Variants in GRM5 observed in about 807,000 individuals in gnomAD.
GRM5 encodes the protein metabotropic glutamate receptor 5.
Under a neutral mutation model 83.1 loss-of-function variants are expected in GRM5, and 19 were observed. That is an observed-to-expected ratio of 0.23 (90% confidence interval 0.16 to 0.34). The LOEUF is 0.34. Among genes scored for constraint, GRM5 ranks in the 10% least tolerant of loss-of-function variants. The pLI is 1.00. For missense variants in GRM5, 1,160 were observed against 1,588.3 expected, an observed-to-expected ratio of 0.73 and a Z score of 4.58; for synonymous variants, 675 against 633.6, an observed-to-expected ratio of 1.07 and a Z score of -0.98.
At chr11:89,009,900 CAAAAAAAAAA>C (rs758398638) in intron 2 of GRM5, among the ~76,000 whole-genome samples, 1 of 21,688 alleles carries the variant, frequency 4.6e-5, no homozygotes, top group East Asian at 1.4e-3. Context: ...GACTCCGTCT[CAAAAAAAAAA>C]AAAAAAAAAA....
At chr11:88,586,679 T>G (rs1224976167) in intron 7 of GRM5, among the ~76,000 whole-genome samples, 7 of 152,194 alleles carry the variant, frequency 4.6e-5, no homozygotes, top group Non-Finnish European at 7.3e-5. Flanking sequence ...TCAGAGTCAC[T>G]GAGGTGGGCT....
At chr11:88,929,898 G>C (rs656829) in intron 2 of GRM5, among the ~76,000 whole-genome samples, 74,340 of 151,866 alleles carry the variant, frequency 0.49, 19,844 homozygotes, top group South Asian at 0.66. Flanking sequence ...GCACACCAAG[G>C]ATTCTAGTTT....
At chr11:88,757,146 C>T (rs1408339968) in intron 3 of GRM5, among the ~76,000 whole-genome samples, 1 of 151,964 alleles carries the variant, frequency 6.6e-6, no homozygotes, top group Admixed American at 6.6e-5. Flanking sequence ...ACATTCAAAG[C>T]AGTCAAAGGA....
chr11:88,621,322 C>G (rs1177635899), intron 4 of GRM5, among the ~76,000 whole-genome samples: 1 of 152,128 alleles, frequency 6.6e-6, no homozygotes, highest in Non-Finnish European at 1.5e-5. Flanking sequence ...GAAGATGTGG[C>G]TTTCTCATTT....
chr11:88,583,518 C>T (rs944287103), intron 7 of GRM5, among the ~76,000 whole-genome samples: 3 of 152,212 alleles, frequency 2.0e-5, no homozygotes, highest in African/African-American at 7.2e-5. Context: ...AACTTCCTGT[C>T]ATAGGACTTC....
chr11:88,619,349 A>G (rs2927497), intron 4 of GRM5, among the ~76,000 whole-genome samples: 151,390 of 152,324 alleles, frequency 0.99, 75,241 homozygotes, highest in Non-Finnish European at 1. Flanking sequence ...CCTAAATGCC[A>G]TTTTATGGAA....
intron 2 of GRM5, among the ~76,000 whole-genome samples, chr11:89,035,820 G>T (rs1285886383): frequency 6.6e-6 from 1 of 151,924 alleles, no homozygotes. Flanking sequence ...TCAAACTAAT[G>T]CAGCAATTAA....
At chr11:88,546,893 C>CTA (rs1942396304) in intron 8 of GRM5, among the ~76,000 whole-genome samples, 1 of 151,972 alleles carries the variant, frequency 6.6e-6, no homozygotes, top group Admixed American at 6.6e-5. Context: ...GCTGAAGATA[C>CTA]TATGAGGAAT....
intron 2 of GRM5, among the ~76,000 whole-genome samples, chr11:88,978,947 T>C (rs1479918064): frequency 2.1e-4 from 32 of 152,188 alleles, no homozygotes; most frequent in Non-Finnish European, 1.0e-4. Context: ...CTTTACTGTG[T>C]GAGAAAAGAC....
At chr11:88,983,988 G>C (rs1280333264) in intron 2 of GRM5, among the ~76,000 whole-genome samples, 1 of 152,012 alleles carries the variant, frequency 6.6e-6, no homozygotes, top group Non-Finnish European at 1.5e-5. Flanking sequence ...GGAATATAAA[G>C]AAAATAATTG....
At chr11:89,026,170 G>A (rs2135117286) in intron 2 of GRM5, among the ~76,000 whole-genome samples, 1 of 152,282 alleles carries the variant, frequency 6.6e-6, no homozygotes, top group South Asian at 2.1e-4. Flanking sequence ...TGAGGGTGGA[G>A]GGTAGGAGGA....
At chr11:88,839,637 A>C (rs1944160463) in intron 3 of GRM5, among the ~76,000 whole-genome samples, 2 of 152,208 alleles carry the variant, frequency 1.3e-5, no homozygotes, top group Non-Finnish European at 2.9e-5. Context: ...GAGAAATAAA[A>C]TGTTAATGTT....
At chr11:88,977,832 TG>T (rs1440912190) in intron 2 of GRM5, among the ~76,000 whole-genome samples, 1 of 152,214 alleles carries the variant, frequency 6.6e-6, no homozygotes, top group Admixed American at 6.5e-5. Flanking sequence ...ACAATTGACA[TG>T]AATGTTATTT....
intron 2 of GRM5, among the ~76,000 whole-genome samples, chr11:88,961,436 C>T (rs1485666960): frequency 6.6e-6 from 1 of 151,960 alleles, no homozygotes; most frequent in Non-Finnish European, 1.5e-5. Flanking sequence ...TTGAGGCTGC[C>T]ATTTGCAACT....
chr11:88,606,859 T>TAA (rs35093217), intron 4 of GRM5, among the ~76,000 whole-genome samples: 9,271 of 145,906 alleles, frequency 0.064, 308 homozygotes, highest in East Asian at 0.18. Context: ...AGAGTGTGGT[T>TAA]AAAAAAAAAA....
chr11:88,825,345 T>C (rs1943877685), intron 3 of GRM5, among the ~76,000 whole-genome samples: 1 of 152,198 alleles, frequency 6.6e-6, no homozygotes, highest in Admixed American at 6.5e-5. Context: ...AGTTTTGCTA[T>C]TTCATCCATA....
At chr11:88,675,606 CG>C (rs1406595705) in intron 3 of GRM5, among the ~76,000 whole-genome samples, 1 of 151,814 alleles carries the variant, frequency 6.6e-6, no homozygotes, top group African/African-American at 2.4e-5. Context: ...TTATAATGTA[CG>C]CATTCAGAGG....
chr11:88,581,306 A>G lies in GRM5; in HGVS notation c.1690+9295T>C, dbSNP rs569508025. 3.3e-5 allele frequency among the ~76,000 whole-genome samples: 5 copies of G among 152,220 alleles called. No individual in the cohort carries two copies. The South Asian group carries it at 1.0e-3, about 31-fold the overall frequency. On this transcript the variant is annotated intron_variant, in intron 7 of 9. Coordinates refer to ENST00000305447, the MANE Select transcript of GRM5 (RefSeq NM_001143831.3). ...AGTTAATGCATACGAAACTTTTTGT[A>G]TGCTATAAAATAGCTCTAATAATCT...
chr11:88,981,483 G>A (rs1354305257), intron 2 of GRM5, among the ~76,000 whole-genome samples: 1 of 152,080 alleles, frequency 6.6e-6, no homozygotes, highest in South Asian at 2.1e-4. Flanking sequence ...TGATCTTTAT[G>A]CTATTTACAG....
Sources: gnomAD v4.1 joint callset for allele counts (sites outside exome capture counted in the v4.1 genomes callset) on GRCh38, gnomAD v4.1.1 for gene constraint, MANE v1.5 for transcripts, NCBI Gene and HGNC (gene_info 2026-07-23, HGNC 2026-07-21) for gene names.